TSNARE1: variants seen among roughly 807,000 people sequenced by gnomAD.
TSNARE1 encodes the protein t-SNARE domain-containing protein 1.
In TSNARE1, 49 loss-of-function variants were observed where a neutral mutation model predicts 62.0. The observed-to-expected ratio is 0.79, with a 90% CI of 0.63 to 1.00. The LOEUF (loss-of-function observed/expected upper bound fraction) is 1.00. Ranked by LOEUF, TSNARE1 falls within the 50% of genes least tolerant of loss-of-function variation. The pLI, the probability that TSNARE1 is intolerant of heterozygous loss-of-function variation, is 0.00. For synonymous variants in TSNARE1, 328 were observed against 294.4 expected, an observed-to-expected ratio of 1.11 and a Z score of -1.17; for missense variants, 755 against 700.1, an observed-to-expected ratio of 1.08 and a Z score of -0.88.
chr8:142,287,610 C>T (rs796870366), intron 10 of TSNARE1, among the ~76,000 whole-genome samples: 134 of 69,372 alleles, frequency 1.9e-3, no homozygotes, highest in African/African-American at 4.3e-3. Context: ...CCCTCCAGGT[C>T]GTGGAACCCA....
At chr8:142,272,860 C>T (rs1819830084) in intron 12 of TSNARE1, 1 of 984,132 alleles carries the variant, frequency 1.0e-6, no homozygotes. Context: ...GGCAACTTCA[C>T]AGATGCCTCA....
At chr8:142,341,792 C>T (rs1832619373) in intron 4 of TSNARE1, among the ~76,000 whole-genome samples, 1 of 152,212 alleles carries the variant, frequency 6.6e-6, no homozygotes, top group Non-Finnish European at 1.5e-5. Context: ...TTGCCACCTC[C>T]TCCACCATCC....
At chr8:142,344,789 C>T (rs967847353) in intron 3 of TSNARE1, among the ~76,000 whole-genome samples, 6 of 152,346 alleles carry the variant, frequency 3.9e-5, no homozygotes, top group Non-Finnish European at 7.4e-5. Context: ...GGCTAGGTTG[C>T]GGCCCTGGAC....
At chr8:142,299,787 C>T (rs1237702251) in intron 10 of TSNARE1, among the ~76,000 whole-genome samples, 2 of 152,258 alleles carry the variant, frequency 1.3e-5, no homozygotes, top group African/African-American at 4.8e-5. Context: ...CATACATACA[C>T]ACATGCTCAG....
chr8:142,250,718 G>T (rs35476203), intron 12 of TSNARE1, among the ~76,000 whole-genome samples: 1 of 152,198 alleles, frequency 6.6e-6, no homozygotes, highest in African/African-American at 2.4e-5. Context: ...AGGCAACACC[G>T]AGGGCATGGC....
chr8:142,249,590 G>A (rs186230965), intron 12 of TSNARE1, among the ~76,000 whole-genome samples: 1 of 152,350 alleles, frequency 6.6e-6, no homozygotes, highest in South Asian at 2.1e-4. Context: ...GCAGTGGGTT[G>A]CATAATTGTT....
At position 142,344,434 on chromosome 8, in the gene TSNARE1, G is replaced by C; in HGVS notation, c.277C>G (p.Pro93Ala). 4 of 1,582,688 alleles carry C rather than the reference G, an allele frequency of 2.5e-6. No homozygotes were observed. Among genetic ancestry groups the C allele is most frequent in the Non-Finnish European group, 3.4e-6 (4 of 1,166,024 alleles). The change falls in exon 4 of 14, where the codon CCC (proline) becomes GCC (alanine). Residue 93 changes from proline (P) to alanine (A), a missense_variant. By Grantham distance (27) the Pro-to-Ala change is conservative (BLOSUM62 -1). Transcript: ENST00000524325. Reference protein sequence around the residue: ...VAPEGSRMPEPTSSPTIGPRK... With the variant: ...VAPEGSRMPEATSSPTIGPRK... ...GGGCCAATGGTGGGTGATGAGGTGG[G>C]CTCCGGCATCCGGCTGCCTTCAGGG...
At chr8:142,258,100 A>ATG (rs1818677405) in intron 12 of TSNARE1, among the ~76,000 whole-genome samples, 1 of 152,156 alleles carries the variant, frequency 6.6e-6, no homozygotes, top group South Asian at 2.1e-4. Flanking sequence ...ACACACCTGC[A>ATG]TGCAACATGC....
chr8:142,394,891 T>C (rs1441284019), intron 1 of TSNARE1, among the ~76,000 whole-genome samples: 1 of 152,004 alleles, frequency 6.6e-6, no homozygotes, highest in Non-Finnish European at 1.5e-5. Context: ...CTGGGGACAG[T>C]GAGGTGCGCT....
intron 12 of TSNARE1, among the ~76,000 whole-genome samples, chr8:142,233,364 G>A (rs1242044351): frequency 6.6e-6 from 1 of 152,028 alleles, no homozygotes; most frequent in Non-Finnish European, 1.5e-5. Context: ...AGCCCACCTA[G>A]AGCCCCCACT....
At chr8:142,276,185 C>G in intron 11 of TSNARE1, 1 of 985,466 alleles carries the variant, frequency 1.0e-6, no homozygotes, top group Non-Finnish European at 1.2e-6. Context: ...CACAAGGAGC[C>G]AAAGCCCAGA....
chr8:142,320,226 A>C (rs1829276123), intron 6 of TSNARE1, among the ~76,000 whole-genome samples: 1 of 152,138 alleles, frequency 6.6e-6, no homozygotes, highest in South Asian at 2.1e-4. Context: ...GCCAGTCCAA[A>C]CCTCAGAGCT....
intron 1 of TSNARE1, among the ~76,000 whole-genome samples, chr8:142,385,150 A>T (rs1175800675): frequency 6.6e-6 from 1 of 152,172 alleles, no homozygotes; most frequent in African/African-American, 2.4e-5. Flanking sequence ...GCACTTATAA[A>T]GGGAGGAAAA....
chr8:142,230,022 C>G (rs922949779), intron 12 of TSNARE1, among the ~76,000 whole-genome samples: 1 of 152,206 alleles, frequency 6.6e-6, no homozygotes, highest in Non-Finnish European at 1.5e-5. Context: ...CTGGCGAATG[C>G]CAGACATATA....
rs112796292 is a variant in TSNARE1, at chr8:142,251,758, G to A, written c.1447-22179C>T. On this transcript the variant is annotated intron_variant, in intron 12 of 13. Coordinates refer to ENST00000524325, the MANE Select transcript of TSNARE1 (RefSeq NM_145003.5). ...CCCGCGATCTCTGTCTGCAGGGCCC[G>A]GGCACCATGTACCCGCCGCCCACGT... Among the ~76,000 whole-genome samples the A allele has an allele frequency of 3.2e-3, 482 of 150,386 alleles. 5 individuals carry two copies. The highest frequency in any genetic ancestry group is 0.011 in the African/African-American group (438 of 40,780).
In TSNARE1 at chr8:142,236,417, C is replaced by G. The variant is rs531853239; in HGVS notation, c.1447-6838G>C. On this transcript the variant is annotated intron_variant, in intron 12 of 13. Coordinates refer to ENST00000524325, the MANE Select transcript of TSNARE1 (RefSeq NM_145003.5). ...CTCACCCGAGGTGGCGTGACCGTCC[C>G]CACCCTCCTTCCTGCACCAAGTATC... Among the ~76,000 whole-genome samples, 8 of 151,980 alleles carry G rather than the reference C, an allele frequency of 5.3e-5. No individual in the cohort carries two copies. The East Asian group carries it at 1.4e-3, about 26-fold the overall frequency.
At chr8:142,304,206 G>A (rs1360482365) in intron 9 of TSNARE1, among the ~76,000 whole-genome samples, 1 of 152,264 alleles carries the variant, frequency 6.6e-6, no homozygotes, top group Non-Finnish European at 1.5e-5. Context: ...GGAGTGGGCG[G>A]GAGGAAGTGA....
chr8:142,327,872 G>A (rs979163275), intron 6 of TSNARE1, among the ~76,000 whole-genome samples: 3 of 152,266 alleles, frequency 2.0e-5, no homozygotes, highest in South Asian at 4.1e-4. Flanking sequence ...AGCTCACCCA[G>A]ACCCCACTGC....
intron 1 of TSNARE1, among the ~76,000 whole-genome samples, chr8:142,375,618 A>G (rs1836271718): frequency 1.3e-5 from 2 of 152,180 alleles, no homozygotes; most frequent in Non-Finnish European, 2.9e-5. Context: ...CCAGCTCACC[A>G]CAGTGCACAC....
Sources: gnomAD v4.1 joint callset for allele counts (sites outside exome capture counted in the v4.1 genomes callset) on GRCh38, gnomAD v4.1.1 for gene constraint, MANE v1.5 for transcripts, NCBI Gene and HGNC (gene_info 2026-07-23, HGNC 2026-07-21) for gene names.